Variants in TNNT3 observed in about 807,000 individuals in gnomAD.
TNNT3 encodes the protein troponin T3, fast skeletal type, also known as troponin T, fast skeletal muscle.
TNNT3 carries 36 observed loss-of-function variants against 54.2 expected under a neutral mutation model. The observed-to-expected ratio is 0.66, with a 90% CI of 0.51 to 0.88. TNNT3 has a LOEUF of 0.88. Ranked by LOEUF, TNNT3 falls within the 40% of genes least tolerant of loss-of-function variation. The probability of loss-of-function intolerance (pLI) is 0.00; values close to 1 mark genes in which losing one functional copy is unlikely to be tolerated. For synonymous variants in TNNT3, 120 were observed against 109.7 expected, an observed-to-expected ratio of 1.09 and a Z score of -0.59; for missense variants, 291 against 331.6, an observed-to-expected ratio of 0.88 and a Z score of 0.95.
rs561684674 is a variant in TNNT3, at chr11:1,938,350, C to T, written c.723-88C>T. On this transcript the variant is annotated intron_variant, in intron 15 of 15. Coordinates refer to ENST00000278317, the MANE Select transcript of TNNT3 (RefSeq NM_006757.4). ...CTGTGCCCTGAGAGCAGCCTGGGGT[C>T]GGGCTGAGAGTCCGCCCAGGGTGGG... 86 of 1,436,348 alleles carry T rather than the reference C, an allele frequency of 6.0e-5. 1 individual carries two copies. The South Asian group carries it at 8.8e-4, about 15-fold the overall frequency. 89.0% of individuals were successfully genotyped at this position (1,436,348 alleles called of 1,614,324 possible).
At chr11:1,933,684 G>C (rs1468950753) in intron 9 of TNNT3, 37 bp from the exon 10 acceptor site, 1 of 1,542,480 alleles carries the variant, frequency 6.5e-7, no homozygotes, top group Admixed American at 1.7e-5. Flanking sequence ...AGGTTGGAGA[G>C]AGGGGTGGGG....
intron 14 of TNNT3, among the ~76,000 whole-genome samples, chr11:1,935,908 C>A (rs1394690668): frequency 6.6e-6 from 1 of 152,056 alleles, no homozygotes; most frequent in Non-Finnish European, 1.5e-5. Context: ...AGAGGCAGGG[C>A]GATTACACTC....
rs1181415659 is a variant in TNNT3 at position 1,928,772 on chromosome 11, G to T, written c.83-348G>T. ...GGTGGAGAGGGTCTCAGATGCCAAG[G>T]TTGGCCCTGCCAGACCCAAGAGGAC... On this transcript the variant is annotated intron_variant, in intron 6 of 15. Coordinates refer to ENST00000278317, the MANE Select transcript of TNNT3 (RefSeq NM_006757.4). Among the ~76,000 whole-genome samples the T allele has an allele frequency of 3.3e-5, 5 of 152,174 alleles. No individual in the cohort carries two copies. The East Asian group carries it at 7.7e-4, about 23-fold the overall frequency.
chr11:1,931,384 G>A (rs955122930), intron 8 of TNNT3, among the ~76,000 whole-genome samples: 9 of 152,246 alleles, frequency 5.9e-5, no homozygotes, highest in African/African-American at 1.4e-4. Flanking sequence ...CCTGGCCAAC[G>A]CCGTCTCCTA....
chr11:1,931,720 GTT>G (rs572648117), intron 8 of TNNT3, among the ~76,000 whole-genome samples: 6 of 120,332 alleles, frequency 5.0e-5, no homozygotes, highest in South Asian at 2.7e-4. Flanking sequence ...TCCATTTTCC[GTT>G]TTTTTTTTTT....
chr11:1,928,976 C>A, intron 6 of TNNT3, 144 bp from the exon 7 acceptor site: 1 of 964,614 alleles, frequency 1.0e-6, no homozygotes, highest in East Asian at 2.4e-5. Context: ...ACTTGTAGGG[C>A]CCCGCAGGCA....
intron 5 of TNNT3, 165 bp from the exon 6 acceptor site, chr11:1,926,530 G>A (rs1851643758): frequency 1.9e-6 from 3 of 1,612,674 alleles, no homozygotes; most frequent in East Asian, 4.5e-5. Flanking sequence ...CCATGTGGGG[G>A]GTGCAGGACC....
intron 4 of TNNT3, among the ~76,000 whole-genome samples, chr11:1,923,840 C>T (rs774300369): frequency 6.6e-6 from 1 of 152,084 alleles, no homozygotes; most frequent in African/African-American, 2.4e-5. Flanking sequence ...TATGCATTCA[C>T]GATCCTTCAT....
At chr11:1,924,136 C>A (rs556461952) in intron 4 of TNNT3, among the ~76,000 whole-genome samples, 1 of 152,122 alleles carries the variant, frequency 6.6e-6, no homozygotes, top group South Asian at 2.1e-4. Flanking sequence ...CTCTCTCAGT[C>A]TCTGTCTTTC....
chr11:1,923,459 G>A, intron 3 of TNNT3, 96 bp from the exon 4 acceptor site: 1 of 1,396,340 alleles, frequency 7.2e-7, no homozygotes, highest in Non-Finnish European at 1.0e-6. Flanking sequence ...TCGCTGGCCT[G>A]TCCAGGGCCG....
rs931248905 is a variant in TNNT3 at position 1,920,720 on chromosome 11, C to G, written c.-19+958C>G. Among the ~76,000 whole-genome samples the G allele has an allele frequency of 2.0e-5, 3 of 152,246 alleles. No homozygotes were observed. The East Asian group carries it at 5.8e-4, about 29-fold the overall frequency. ...TGCATACGTGCCCGAAGAAACTGAC[C>G]GCATAGGTTATTTTCACGCAGCCCC... is the stretch of plus-strand genomic sequence containing the variant. On this transcript the variant is annotated intron_variant, in intron 1 of 15. Transcript: ENST00000278317.
intron 7 of TNNT3, 85 bp downstream of exon 7, chr11:1,929,228 T>C (rs1388292305): frequency 2.7e-6 from 4 of 1,469,698 alleles, no homozygotes; most frequent in Non-Finnish European, 3.8e-6. Flanking sequence ...GGTCTCTCGC[T>C]GCCCTGCCTC....
intron 6 of TNNT3, among the ~76,000 whole-genome samples, chr11:1,928,311 C>T (rs1463192282): frequency 6.6e-6 from 1 of 152,162 alleles, no homozygotes; most frequent in Admixed American, 6.5e-5. Flanking sequence ...CAGCCAGGTC[C>T]ACCCCAGGGT....
In TNNT3 at chr11:1,937,420, C is replaced by G. The variant is rs1340987811; in HGVS notation, c.722+417C>G. On this transcript the variant is annotated intron_variant, in intron 15 of 15. Transcript: ENST00000278317. ...GACCTAGGACAGGGAATTAAGCAGT[C>G]AGGGCTTCATCACCAGCCCCTCTGT... Among the ~76,000 whole-genome samples the G allele has an allele frequency of 5.3e-5, 8 of 152,280 alleles. No homozygotes were observed. In the South Asian group the frequency reaches 1.5e-3, roughly 28 times the overall value.
chr11:1,933,880 C>G, intron 10 of TNNT3, 43 bp downstream of exon 10: 4 of 1,612,324 alleles, frequency 2.5e-6, no homozygotes, highest in Non-Finnish European at 2.5e-6. Context: ...TGGTGGACTC[C>G]CTCGGAGGAG....
intron 14 of TNNT3, among the ~76,000 whole-genome samples, chr11:1,935,764 G>C (rs1283072899): frequency 6.6e-6 from 1 of 152,038 alleles, no homozygotes; most frequent in Non-Finnish European, 1.5e-5. Flanking sequence ...CTGTGCCCAC[G>C]GGGCTTGTGC....
At chr11:1,936,858 T>C in intron 14 of TNNT3, 105 bp from the exon 15 acceptor site, 1 of 1,226,762 alleles carries the variant, frequency 8.2e-7, no homozygotes, top group Non-Finnish European at 1.2e-6. Context: ...CCAGCAGCCC[T>C]GGGTCGCGCA....
At chr11:1,924,026 C>G (rs1027299770) in intron 4 of TNNT3, among the ~76,000 whole-genome samples, 1 of 152,130 alleles carries the variant, frequency 6.6e-6, no homozygotes, top group Non-Finnish European at 1.5e-5. Flanking sequence ...CTTTCCGTGT[C>G]TCTCTTGGCA....
chr11:1,922,731 C>G, intron 1 of TNNT3, 126 bp from the exon 2 acceptor site: 3 of 913,204 alleles, frequency 3.3e-6, no homozygotes, highest in Non-Finnish European at 5.2e-6. Flanking sequence ...CAGAGCTGGC[C>G]CCCAAACCCT....
Sources: gnomAD v4.1 joint callset for allele counts (sites outside exome capture counted in the v4.1 genomes callset) on GRCh38, gnomAD v4.1.1 for gene constraint, MANE v1.5 for transcripts, NCBI Gene and HGNC (gene_info 2026-07-23, HGNC 2026-07-21) for gene names.